The following TRABD2B variants were observed in gnomAD, a reference collection of about 807,000 sequenced individuals.
TRABD2B encodes the protein metalloprotease TIKI2.
TRABD2B carries 14 observed loss-of-function variants against 40.1 expected under a neutral mutation model. That is an observed-to-expected ratio of 0.35 (90% CI 0.23 to 0.55). TRABD2B has a LOEUF of 0.55. Ranked by LOEUF, TRABD2B falls within the 20% of genes least tolerant of loss-of-function variation. The pLI, the probability that TRABD2B is intolerant of heterozygous loss-of-function variation, is 0.90. For synonymous variants in TRABD2B, 263 were observed against 277.0 expected (o/e 0.95, Z 0.50); for missense variants, 541 against 648.6 (o/e 0.83, Z 1.80).
chr1:47,791,115 G>A (rs1264133183), intron 4 of TRABD2B, among the ~76,000 whole-genome samples: 3 of 152,180 alleles, frequency 2.0e-5, no homozygotes, highest in South Asian at 2.1e-4. Context: ...GTCTGTCCTC[G>A]CAGGCTCTCA....
At chr1:47,995,456 T>C (rs913212406) in intron 1 of TRABD2B, among the ~76,000 whole-genome samples, 1 of 152,144 alleles carries the variant, frequency 6.6e-6, no homozygotes, top group Admixed American at 6.5e-5. Flanking sequence ...CCCAGTTGTT[T>C]GTCATTTTCT....
intron 2 of TRABD2B, among the ~76,000 whole-genome samples, chr1:47,901,451 G>C (rs1176668177): frequency 6.6e-6 from 1 of 152,142 alleles, no homozygotes; most frequent in African/African-American, 2.4e-5. Context: ...GCGGCAGGGG[G>C]CATGGACAGC....
intron 5 of TRABD2B, among the ~76,000 whole-genome samples, chr1:47,777,101 C>G (rs1256356303): frequency 6.6e-6 from 1 of 152,172 alleles, no homozygotes; most frequent in Non-Finnish European, 1.5e-5. Context: ...AATGCCTGGG[C>G]TCTGAGATGA....
At chr1:47,882,113 G>A (rs1200883513) in intron 2 of TRABD2B, among the ~76,000 whole-genome samples, 1 of 152,252 alleles carries the variant, frequency 6.6e-6, no homozygotes, top group Non-Finnish European at 1.5e-5. Flanking sequence ...TGCGCTGCTG[G>A]GGGCCTGGCT....
chr1:47,810,293 C>G (rs1644946964), intron 2 of TRABD2B, among the ~76,000 whole-genome samples: 1 of 152,148 alleles, frequency 6.6e-6, no homozygotes, highest in African/African-American at 2.4e-5. Flanking sequence ...CAGCCTGAGC[C>G]TCCTGGACTC....
chr1:47,865,336 T>C (rs1307990848), intron 2 of TRABD2B, among the ~76,000 whole-genome samples: 1 of 151,862 alleles, frequency 6.6e-6, no homozygotes, highest in South Asian at 2.1e-4. Flanking sequence ...GCTTGCTACT[T>C]CTATTTTACA....
chr1:47,902,953 A>G (rs2124683637), intron 2 of TRABD2B, among the ~76,000 whole-genome samples: 1 of 152,300 alleles, frequency 6.6e-6, no homozygotes, highest in East Asian at 1.9e-4. Flanking sequence ...TCATCCTGGT[A>G]TCTTAAACAT....
At chr1:47,915,344 C>T (rs1370441280) in intron 2 of TRABD2B, among the ~76,000 whole-genome samples, 1 of 152,190 alleles carries the variant, frequency 6.6e-6, no homozygotes, top group Non-Finnish European at 1.5e-5. Flanking sequence ...GAATACCTTG[C>T]TGAAGTTCAC....
intron 2 of TRABD2B, among the ~76,000 whole-genome samples, chr1:47,856,784 C>T (rs1381634820): frequency 6.6e-6 from 1 of 152,176 alleles, no homozygotes; most frequent in Non-Finnish European, 1.5e-5. Context: ...TCTTTTTATC[C>T]CACTCCTTCT....
chr1:47,983,776 G>A (rs1645876715), intron 2 of TRABD2B, among the ~76,000 whole-genome samples: 1 of 151,550 alleles, frequency 6.6e-6, no homozygotes, highest in South Asian at 2.1e-4. Context: ...AAAAAAAAGA[G>A]GAGCCAGGAA....
chr1:47,890,038 C>T (rs1454227461), intron 2 of TRABD2B, among the ~76,000 whole-genome samples: 1 of 152,204 alleles, frequency 6.6e-6, no homozygotes, highest in Non-Finnish European at 1.5e-5. Context: ...TCCTTTTTCT[C>T]ATCTGGCACA....
intron 2 of TRABD2B, among the ~76,000 whole-genome samples, chr1:47,828,923 C>G (rs1205845182): frequency 6.6e-6 from 1 of 152,228 alleles, no homozygotes; most frequent in Non-Finnish European, 1.5e-5. Flanking sequence ...GCTCCACAGC[C>G]TGCCTCCGTC....
chr1:47,848,765 A>G (rs1295112665), intron 2 of TRABD2B, among the ~76,000 whole-genome samples: 1 of 152,212 alleles, frequency 6.6e-6, no homozygotes, highest in East Asian at 1.9e-4. Flanking sequence ...CTTGCTCCAC[A>G]GCAAAGGAAT....
intron 2 of TRABD2B, among the ~76,000 whole-genome samples, chr1:47,984,961 A>T (rs1379383122): frequency 2.0e-5 from 3 of 152,186 alleles, no homozygotes; most frequent in Non-Finnish European, 4.4e-5. Flanking sequence ...GAACTAACAA[A>T]CATTTCTTGA....
At chr1:47,791,168 A>T (rs1266619730) in intron 4 of TRABD2B, among the ~76,000 whole-genome samples, 1 of 152,166 alleles carries the variant, frequency 6.6e-6, no homozygotes, top group East Asian at 1.9e-4. Context: ...TTGGGTCCTA[A>T]CAAGCACTGG....
chr1:47,898,244 G>C (rs375058224), intron 2 of TRABD2B, among the ~76,000 whole-genome samples: 2 of 152,206 alleles, frequency 1.3e-5, no homozygotes, highest in South Asian at 2.1e-4. Flanking sequence ...AAGAAAAACA[G>C]TCACAACCTC....
intron 2 of TRABD2B, among the ~76,000 whole-genome samples, chr1:47,993,313 C>T (rs771765559): frequency 1.3e-5 from 2 of 152,208 alleles, no homozygotes; most frequent in Non-Finnish European, 2.9e-5. Flanking sequence ...TGACATTTTG[C>T]TCTATCAGAT....
intron 2 of TRABD2B, among the ~76,000 whole-genome samples, chr1:47,864,078 G>A (rs958943260): frequency 2.0e-5 from 3 of 152,294 alleles, no homozygotes; most frequent in East Asian, 3.9e-4. Context: ...AAAAAGATCA[G>A]TAGTGGCCAG....
intron 2 of TRABD2B, among the ~76,000 whole-genome samples, chr1:47,814,320 A>T (rs977141692): frequency 6.6e-6 from 1 of 152,138 alleles, no homozygotes; most frequent in Non-Finnish European, 1.5e-5. Context: ...GATGCCACTG[A>T]ATTTATTAAG....
Sources: gnomAD v4.1 joint callset for allele counts (sites outside exome capture counted in the v4.1 genomes callset) on GRCh38, gnomAD v4.1.1 for gene constraint, MANE v1.5 for transcripts, NCBI Gene and HGNC (gene_info 2026-07-23, HGNC 2026-07-21) for gene names.